Variants in PREX1 observed in about 807,000 individuals in gnomAD.
The protein encoded by PREX1 is phosphatidylinositol-3,4,5-trisphosphate dependent Rac exchange factor 1.
A neutral mutation model predicts 198.3 loss-of-function variants in PREX1; 41 were observed. The observed-to-expected ratio is 0.21, with a 90% confidence interval of 0.16 to 0.27. PREX1 has a LOEUF of 0.27. Ranked by LOEUF, PREX1 falls within the 10% of genes least tolerant of loss-of-function variation. The pLI is 1.00. For synonymous variants in PREX1, 843 were observed against 887.2 expected (o/e 0.95, Z 0.89); for missense variants, 1,620 against 2,200.7 (o/e 0.74, Z 5.28).
the PREX1 span, among the ~76,000 whole-genome samples, chr20:48,868,219 G>C: frequency 1.3e-5 from 2 of 152,184 alleles, no homozygotes; most frequent in African/African-American, 2.4e-5. Context: ...GGAAGCTATG[G>C]CAAACAGGAA....
chr20:48,626,970 A>C (rs1008737661), intron 39 of PREX1, among the ~76,000 whole-genome samples: 3 of 152,178 alleles, frequency 2.0e-5, no homozygotes, highest in African/African-American at 4.8e-5. Context: ...CCACATGAAG[A>C]GAGGGCAGGG....
At chr20:48,648,300 CAT>C (rs370944958) in intron 25 of PREX1, among the ~76,000 whole-genome samples, 2 of 152,210 alleles carry the variant, frequency 1.3e-5, no homozygotes, top group African/African-American at 4.8e-5. Context: ...TTCTTTTAAA[CAT>C]GTGGTTCTCA....
intron 1 of PREX1, among the ~76,000 whole-genome samples, chr20:48,777,977 T>A (rs918685290): frequency 4.6e-5 from 7 of 152,012 alleles, no homozygotes; most frequent in African/African-American, 1.7e-4. Flanking sequence ...GGAAAGTGAC[T>A]GAGTGAAGCT....
intron 7 of PREX1, among the ~76,000 whole-genome samples, chr20:48,699,616 C>T (rs1186677817): frequency 1.3e-5 from 2 of 152,124 alleles, no homozygotes; most frequent in Non-Finnish European, 2.9e-5. Flanking sequence ...CAACTATCAA[C>T]CAACCACTTA....
chr20:48,646,730 G>A (rs1016921034), intron 25 of PREX1, among the ~76,000 whole-genome samples: 41 of 152,020 alleles, frequency 2.7e-4, no homozygotes, highest in African/African-American at 9.9e-4. Context: ...GCTGAAGTCT[G>A]GACTGGGCCC....
At chr20:48,794,139 G>C (rs1012070063) in intron 1 of PREX1, among the ~76,000 whole-genome samples, 44 of 152,284 alleles carry the variant, frequency 2.9e-4, no homozygotes, top group Middle Eastern at 3.4e-3. Flanking sequence ...CTCTCACTGA[G>C]CTACTGGGAG....
chr20:48,747,891 G>A lies in PREX1; in HGVS notation c.220-11C>T. On this transcript the variant is annotated splice_polypyrimidine_tract_variant and intron_variant, in intron 1 of 39. Coordinates refer to ENST00000371941, the MANE Select transcript of PREX1 (RefSeq NM_020820.4). ...GCGATGCAGGAATGCCTGGAGGAGAGAAGCAGAGAGAGGTGAGTGTCCGCG... is the reference window on the plus strand; with the variant it reads ...GCGATGCAGGAATGCCTGGAGGAGAAAAGCAGAGAGAGGTGAGTGTCCGCG... The A allele has an allele frequency of 6.2e-7, 1 of 1,610,046 alleles. No homozygotes were observed. The highest frequency in any genetic ancestry group is 1.3e-5 in the African/African-American group (1 of 75,002).
At chr20:48,810,954 T>C (rs551847036) in intron 1 of PREX1, among the ~76,000 whole-genome samples, 59 of 152,090 alleles carry the variant, frequency 3.9e-4, no homozygotes, top group South Asian at 1.0e-3. Context: ...GCAACCAATG[T>C]TTGGTCTCAG....
At chr20:48,887,883 G>C in the PREX1 span, among the ~76,000 whole-genome samples, 2 of 151,730 alleles carry the variant, frequency 1.3e-5, no homozygotes, top group Non-Finnish European at 2.9e-5. Flanking sequence ...CCGGGAGGCG[G>C]AGCTTGCAGT....
chr20:48,768,147 G>A (rs546707316), intron 1 of PREX1, among the ~76,000 whole-genome samples: 5 of 152,288 alleles, frequency 3.3e-5, no homozygotes, highest in Non-Finnish European at 7.4e-5. Context: ...TCCTATGTAT[G>A]TAACACAGAG....
At chr20:48,768,782 AAAAAG>A (rs1218680328) in intron 1 of PREX1, among the ~76,000 whole-genome samples, 1 of 152,090 alleles carries the variant, frequency 6.6e-6, no homozygotes, top group African/African-American at 2.4e-5. Context: ...CTCAAAAAAA[AAAAAG>A]AAAAGTCGTC....
chr20:48,637,006 A>T (rs1010004131), intron 31 of PREX1, among the ~76,000 whole-genome samples: 5 of 152,244 alleles, frequency 3.3e-5, no homozygotes, highest in Admixed American at 3.3e-4. Flanking sequence ...TTCTCCTCTC[A>T]TTATGGGATT....
intron 21 of PREX1, among the ~76,000 whole-genome samples, chr20:48,652,188 C>G (rs560657014): frequency 6.6e-6 from 1 of 152,296 alleles, no homozygotes; most frequent in African/African-American, 2.4e-5. Context: ...TCCCAGCACT[C>G]TGCGAGGCCG....
intron 20 of PREX1, 78 bp from the exon 21 acceptor site, chr20:48,652,784 C>T: frequency 6.8e-7 from 1 of 1,472,948 alleles, no homozygotes; most frequent in Non-Finnish European, 9.2e-7. Context: ...GTGTGAACTG[C>T]CCCTGGGTTC....
rs755458293 is a variant in PREX1 at position 48,651,401 on chromosome 20, C to T, written c.2650G>A (p.Ala884Thr). ...CAGGCAGTGCCCAAGGAGACCTTGGCGGTGAGGCCGAAGCAGCCGCGGGGC... is the reference window on the plus strand; with the variant it reads ...CAGGCAGTGCCCAAGGAGACCTTGGTGGTGAGGCCGAAGCAGCCGCGGGGC... Reference protein sequence around the residue: ...VEPRGCFGLTAKILEAFAAND... With the variant: ...VEPRGCFGLTTKILEAFAAND... Residue 884 changes from alanine (A) to threonine (T), a missense_variant, in exon 22 of 40, where the codon GCC becomes ACC. By Grantham distance (58) the Ala-to-Thr change is moderately conservative (BLOSUM62 0). Coordinates refer to ENST00000371941, the MANE Select transcript of PREX1 (RefSeq NM_020820.4). The T allele has an allele frequency of 1.9e-5, 30 of 1,601,046 alleles. No homozygotes were observed. Among genetic ancestry groups the T allele is most frequent in the South Asian group, 3.4e-5 (3 of 89,404 alleles).
At chr20:48,726,591 G>GT (rs1273625564) in intron 4 of PREX1, among the ~76,000 whole-genome samples, 200 bp from the exon 5 acceptor site, 1 of 152,170 alleles carries the variant, frequency 6.6e-6, no homozygotes, top group Non-Finnish European at 1.5e-5. Flanking sequence ...CCCCATTTTG[G>GT]TAAGTTTTAT....
intron 1 of PREX1, among the ~76,000 whole-genome samples, chr20:48,751,020 A>G (rs1011487171): frequency 6.6e-6 from 1 of 152,252 alleles, no homozygotes; most frequent in Non-Finnish European, 1.5e-5. Context: ...CCCTGAAGGC[A>G]GGGACCCTGC....
At chr20:48,761,282 A>G (rs1286168778) in intron 1 of PREX1, among the ~76,000 whole-genome samples, 1 of 152,214 alleles carries the variant, frequency 6.6e-6, no homozygotes, top group Non-Finnish European at 1.5e-5. Context: ...CACCATGGAC[A>G]TTATGTGTGT....
intron 9 of PREX1, among the ~76,000 whole-genome samples, chr20:48,690,701 G>C (rs1392335432): frequency 1.3e-5 from 2 of 152,146 alleles, no homozygotes; most frequent in Admixed American, 1.3e-4. Flanking sequence ...AATGCTTAAG[G>C]GTGAAGACCT....
Sources: gnomAD v4.1 joint callset for allele counts (sites outside exome capture counted in the v4.1 genomes callset) on GRCh38, gnomAD v4.1.1 for gene constraint, MANE v1.5 for transcripts, NCBI Gene and HGNC (gene_info 2026-07-23, HGNC 2026-07-21) for gene names.